LRRC72: variants seen among roughly 807,000 people sequenced by gnomAD.
The protein encoded by LRRC72 is leucine rich repeat containing 72.
A neutral mutation model predicts 35.8 loss-of-function variants in LRRC72; 41 were observed. The ratio of observed to expected loss-of-function variants is 1.15; its 90% CI spans 0.89 to 1.49. The LOEUF is 1.49. Ranked by LOEUF, LRRC72 falls within the 40% of genes most tolerant of loss-of-function variation. The pLI is 0.00. For missense variants in LRRC72, 389 were observed against 330.7 expected (o/e 1.18, Z -1.37); for synonymous variants, 118 against 119.2 (o/e 0.99, Z 0.07).
intron 3 of LRRC72, among the ~76,000 whole-genome samples, chr7:16,548,626 C>T (rs751525305): frequency 1.3e-5 from 2 of 152,248 alleles, no homozygotes; most frequent in African/African-American, 4.8e-5. Context: ...TGTCCTGCCA[C>T]AGCCGGCTGG....
rs1427449059 is a variant in LRRC72, at chr7:16,527,086, C to A, written c.90+44C>A. Reference sequence around the variant, plus strand: ...CCCAAGCCATCAGCCCCTTTGGCCCCCTGCCCCAGGGCCCCACCTCCTGCC... The same window carrying A: ...CCCAAGCCATCAGCCCCTTTGGCCCACTGCCCCAGGGCCCCACCTCCTGCC... On this transcript the variant is annotated intron_variant, in intron 1 of 8. Transcript: ENST00000401542. The A allele has an allele frequency of 5.4e-6, 8 of 1,486,750 alleles. No individual in the cohort carries two copies. In the South Asian group the frequency reaches 7.2e-5, roughly 13 times the overall value. 92.1% of individuals were successfully genotyped at this position (1,486,750 alleles called of 1,614,324 possible).
chr7:16,532,547 T>C lies in LRRC72; in HGVS notation c.143T>C (p.Phe48Ser). ...GGCCACAGGAGGGATGCTGATGTCT[T>C]TGAGCTGTTCCTTTCTAAAAAGTAA... ...ICGHRRDADVFELFLSKKELT... is the reference protein window; with the variant it reads ...ICGHRRDADVSELFLSKKELT... Residue 48 changes from phenylalanine (F) to serine (S), a missense_variant, in exon 2 of 9, where the codon TTT becomes TCT. By Grantham distance (155) the Phe-to-Ser change is radical. Coordinates refer to ENST00000401542, the MANE Select transcript of LRRC72 (RefSeq NM_001195280.2). The C allele has an allele frequency of 3.2e-6, 5 of 1,549,740 alleles. No homozygotes were observed. The highest frequency in any genetic ancestry group is 4.4e-6 in the Non-Finnish European group (5 of 1,146,164).
Position 16,567,211 on chromosome 7 carries a change from A to AT in LRRC72, c.518-178dup, listed in dbSNP as rs1182679860. 2.0e-5 allele frequency among the ~76,000 whole-genome samples: 3 copies of AT among 152,106 alleles called. No homozygotes were observed. In the East Asian group the frequency reaches 5.8e-4, roughly 29 times the overall value. On this transcript the variant is annotated intron_variant, in intron 6 of 8. Coordinates refer to ENST00000401542, the MANE Select transcript of LRRC72 (RefSeq NM_001195280.2). ...CTGTCTTGTGACATGTGGGGTGTAT[A>AT]TTGAGTGCTTGTAAGATTATGGAAA...
At chr7:16,564,509 T>A in intron 5 of LRRC72, among the ~76,000 whole-genome samples, 2 of 147,546 alleles carry the variant, frequency 1.4e-5, no homozygotes, top group South Asian at 2.1e-4. Flanking sequence ...ATTTAAGAAA[T>A]CTTGAAAAAA....
chr7:16,537,559 T>A, intron 2 of LRRC72, 68 bp from the exon 3 acceptor site: 1 of 941,660 alleles, frequency 1.1e-6, no homozygotes, highest in Non-Finnish European at 1.6e-6. Flanking sequence ...CCATACTAAC[T>A]ACATGCCCAG....
rs193204615 is a variant in LRRC72, at chr7:16,565,293, C to T, written c.428-1020C>T. On this transcript the variant is annotated intron_variant, in intron 5 of 8. Coordinates refer to ENST00000401542, the MANE Select transcript of LRRC72 (RefSeq NM_001195280.2). Reference sequence around the variant, plus strand: ...ACTAAAAATACAAAAATTAGCCAAGCGTGGTGGCAGGCGCCTGTAATCCCA... The same window carrying T: ...ACTAAAAATACAAAAATTAGCCAAGTGTGGTGGCAGGCGCCTGTAATCCCA... Among the ~76,000 whole-genome samples the T allele has an allele frequency of 1.9e-3, 295 of 152,146 alleles. 2 individuals carry two copies. The highest frequency in any genetic ancestry group is 0.014 in the South Asian group (66 of 4,810).
chr7:16,536,164 T>C (rs1782253995), intron 2 of LRRC72, among the ~76,000 whole-genome samples: 1 of 152,036 alleles, frequency 6.6e-6, no homozygotes, highest in South Asian at 2.1e-4. Flanking sequence ...TGAGCCACCA[T>C]GCCCAGCCCA....
intron 7 of LRRC72, among the ~76,000 whole-genome samples, chr7:16,569,102 C>T (rs538480178): frequency 1.7e-4 from 26 of 152,146 alleles, no homozygotes; most frequent in African/African-American, 5.8e-4. Flanking sequence ...CTATATTTAC[C>T]GCCCTCCATA....
chr7:16,555,658 G>A (rs1034241913), intron 3 of LRRC72, among the ~76,000 whole-genome samples: 7 of 152,108 alleles, frequency 4.6e-5, no homozygotes, highest in Non-Finnish European at 1.0e-4. Context: ...TGTAGTCCCA[G>A]CTACTTGGGA....
chr7:16,551,569 G>A (rs1203901441), intron 3 of LRRC72, among the ~76,000 whole-genome samples: 1 of 152,104 alleles, frequency 6.6e-6, no homozygotes, highest in East Asian at 1.9e-4. Context: ...AATGGCCAAT[G>A]ATTTAATCAA....
chr7:16,534,885 T>C (rs1474231404), intron 2 of LRRC72, among the ~76,000 whole-genome samples: 1 of 152,194 alleles, frequency 6.6e-6, no homozygotes, highest in Non-Finnish European at 1.5e-5. Flanking sequence ...AATTATTATT[T>C]GTGCAAATTT....
At chr7:16,570,369 ATTTG>A (rs1387361472) in intron 7 of LRRC72, among the ~76,000 whole-genome samples, 9 of 152,192 alleles carry the variant, frequency 5.9e-5, no homozygotes, top group Admixed American at 2.0e-4. Flanking sequence ...TCTGGCTCCA[ATTTG>A]TTTGATTCTG....
At chr7:16,541,822 A>C (rs192568368) in intron 3 of LRRC72, among the ~76,000 whole-genome samples, 10 of 152,304 alleles carry the variant, frequency 6.6e-5, no homozygotes, top group Admixed American at 2.0e-4. Context: ...AGAGGAAGAA[A>C]ATTGCTTGAA....
chr7:16,527,100 CCA>C (rs1412219324), intron 1 of LRRC72, 58 bp downstream of exon 1: 1 of 1,374,316 alleles, frequency 7.3e-7, no homozygotes, highest in Admixed American at 2.0e-5. Context: ...CCCCAGGGCC[CCA>C]CCTCCTGCCT....
In LRRC72 at chr7:16,580,103, TA is replaced by T; in HGVS notation, c.698+4del. Reference sequence around the variant, plus strand: ...TGCATTTGCAAATAATGTAGACAAGTAAGTAATTTTATCTATACATTTATTA... The same window carrying T: ...TGCATTTGCAAATAATGTAGACAAGTAGTAATTTTATCTATACATTTATTA... On this transcript the variant is annotated splice_donor_region_variant and intron_variant, in intron 8 of 8. Coordinates refer to ENST00000401542, the MANE Select transcript of LRRC72 (RefSeq NM_001195280.2). 2.5e-6 allele frequency: 1 copy of T among 400,366 alleles called. No homozygotes were observed. Among genetic ancestry groups the T allele is most frequent in the Non-Finnish European group, 4.5e-6 (1 of 223,176 alleles). 24.8% of individuals were successfully genotyped at this position (400,366 alleles called of 1,614,324 possible). A position where few individuals can be genotyped will look rare whatever the true frequency, so the allele number is the denominator to read the frequency against.
intron 3 of LRRC72, among the ~76,000 whole-genome samples, chr7:16,543,051 G>A (rs1782384820): frequency 6.6e-6 from 1 of 152,170 alleles, no homozygotes; most frequent in South Asian, 2.1e-4. Flanking sequence ...TGGGTGCTAA[G>A]CTGCCTAAGT....
At chr7:16,545,511 G>A (rs971317570) in intron 3 of LRRC72, among the ~76,000 whole-genome samples, 1 of 151,992 alleles carries the variant, frequency 6.6e-6, no homozygotes, top group Non-Finnish European at 1.5e-5. Flanking sequence ...TTGGGTATAT[G>A]TATTTGTTTA....
chr7:16,540,854 G>A (rs771718488), intron 3 of LRRC72, among the ~76,000 whole-genome samples: 14 of 152,156 alleles, frequency 9.2e-5, no homozygotes, highest in Non-Finnish European at 1.9e-4. Flanking sequence ...GGAACTGTGA[G>A]TTAATTAAAC....
At chr7:16,559,544 GA>G (rs1782708893) in intron 5 of LRRC72, among the ~76,000 whole-genome samples, 2 of 152,092 alleles carry the variant, frequency 1.3e-5, no homozygotes, top group South Asian at 4.1e-4. Flanking sequence ...GTAGCAAGAG[GA>G]TTTACATGTT....
Sources: gnomAD v4.1 joint callset for allele counts (sites outside exome capture counted in the v4.1 genomes callset) on GRCh38, gnomAD v4.1.1 for gene constraint, MANE v1.5 for transcripts, NCBI Gene and HGNC (gene_info 2026-07-23, HGNC 2026-07-21) for gene names.